Variants in AGMO observed in about 807,000 individuals in gnomAD.
AGMO encodes the protein glyceryl-ether monooxygenase.
In AGMO, 75 loss-of-function variants were observed where a neutral mutation model predicts 60.2. The ratio of observed to expected loss-of-function variants is 1.25; its 90% CI spans 1.03 to 1.51. AGMO has a LOEUF of 1.51. Among genes scored for constraint, AGMO ranks in the 40% most tolerant of loss-of-function variants. AGMO has a pLI of 0.00. For missense variants in AGMO, 763 were observed against 525.5 expected, an observed-to-expected ratio of 1.45 and a Z score of -4.42; for synonymous variants, 261 against 177.1, an observed-to-expected ratio of 1.47 and a Z score of -3.76.
chr7:15,401,289 C>A (rs1305156613), intron 5 of AGMO, among the ~76,000 whole-genome samples: 1 of 152,000 alleles, frequency 6.6e-6, no homozygotes, highest in East Asian at 1.9e-4. Flanking sequence ...TTATTCTATT[C>A]TATATAATTC....
chr7:15,442,431 G>C (rs1781582537), intron 3 of AGMO, among the ~76,000 whole-genome samples: 1 of 152,070 alleles, frequency 6.6e-6, no homozygotes. Context: ...TTTTGGCATT[G>C]AGAGATGGAA....
At chr7:15,170,780 C>A in the AGMO span, among the ~76,000 whole-genome samples, 3 of 152,094 alleles carry the variant, frequency 2.0e-5, no homozygotes, top group Non-Finnish European at 2.9e-5. Flanking sequence ...GATCCTATTT[C>A]AGACAGATAC....
At chr7:15,384,090 A>G (rs1191584046) in intron 10 of AGMO, among the ~76,000 whole-genome samples, 2 of 151,960 alleles carry the variant, frequency 1.3e-5, no homozygotes, top group Non-Finnish European at 2.9e-5. Context: ...GCCCGCCACC[A>G]TGCCTGGCTA....
chr7:15,292,677 A>G (rs954575536), intron 12 of AGMO, among the ~76,000 whole-genome samples: 16 of 151,890 alleles, frequency 1.1e-4, no homozygotes, highest in African/African-American at 3.9e-4. Flanking sequence ...AGAAGAATGT[A>G]AATATTAAGA....
chr7:15,402,025 T>C (rs891537946), intron 5 of AGMO, among the ~76,000 whole-genome samples: 6 of 150,290 alleles, frequency 4.0e-5, no homozygotes, highest in African/African-American at 1.2e-4. Context: ...GCCACCAGTA[T>C]TGAAGGGAAA....
Position 15,390,749 on chromosome 7 carries a change from C to G in AGMO, c.744G>C (p.Gly248=), listed in dbSNP as rs763553396. The G allele has an allele frequency of 1.2e-6, 2 of 1,607,314 alleles. No individual in the cohort carries two copies. Among genetic ancestry groups the G allele is most frequent in the Non-Finnish European group, 1.7e-6 (2 of 1,174,884 alleles). ...CTTTTTCATTTTCTGCTTCAAATGT[C>G]CCTGGAAGATAAATATAAAGATATG... The part of the protein sequence containing the change: ...GVLIIWDKIF[G]TFEAENEKVV... Residue 248 remains glycine, a splice_region_variant and synonymous_variant, in exon 8 of 13, where the codon GGG becomes GGC. Coordinates refer to ENST00000342526, the MANE Select transcript of AGMO (RefSeq NM_001004320.2).
rs116616939 is a variant in AGMO, at chr7:15,260,831, G to A, written c.1264-59472C>T. 7.5e-3 allele frequency among the ~76,000 whole-genome samples: 1,142 copies of A among 152,010 alleles called. 14 individuals are homozygous for A. Among genetic ancestry groups the A allele is most frequent in the African/African-American group, 0.026 (1,088 of 41,460 alleles). On this transcript the variant is annotated intron_variant, in intron 12 of 12. Coordinates refer to ENST00000342526, the MANE Select transcript of AGMO (RefSeq NM_001004320.2). ...ATCAAGTACTCTCTCTGACCACAGC[G>A]GAATAAAATGAGAAATCAACTCCAA...
chr7:15,167,949 A>G, the AGMO span, among the ~76,000 whole-genome samples: 44 of 152,222 alleles, frequency 2.9e-4, no homozygotes, highest in Non-Finnish European at 5.7e-4. Flanking sequence ...AGCTGTCTCT[A>G]TAGAATAGAA....
At chr7:15,465,066 G>T (rs1403672479) in intron 3 of AGMO, among the ~76,000 whole-genome samples, 1 of 152,096 alleles carries the variant, frequency 6.6e-6, no homozygotes, top group East Asian at 1.9e-4. Context: ...TTTTACTGGA[G>T]AAATTTATTG....
intron 3 of AGMO, among the ~76,000 whole-genome samples, chr7:15,459,591 A>ATGTATGTTTGTGTGTGTGTGTGTG (rs1554274856): frequency 7.5e-5 from 1 of 13,248 alleles, no homozygotes; most frequent in Admixed American, 4.5e-4. Flanking sequence ...AAATGTGTGT[A>ATGTATGTTTGTGTGTGTGTGTGTG]TGTGCGTTTG....
intron 12 of AGMO, among the ~76,000 whole-genome samples, chr7:15,319,690 G>C (rs1432844832): frequency 6.6e-6 from 1 of 151,826 alleles, no homozygotes; most frequent in South Asian, 2.1e-4. Flanking sequence ...AAGATTACCA[G>C]AAACACACAC....
chr7:15,462,940 G>A (rs537325112), intron 3 of AGMO, among the ~76,000 whole-genome samples: 17 of 152,212 alleles, frequency 1.1e-4, no homozygotes, highest in African/African-American at 2.2e-4. Flanking sequence ...GCTACACAAC[G>A]TCAGGTTGTT....
chr7:15,384,958 G>T lies in AGMO; in HGVS notation c.1074+488C>A, dbSNP rs566790588. Among the ~76,000 whole-genome samples, 15 of 151,482 alleles carry T rather than the reference G, an allele frequency of 9.9e-5. No individual in the cohort carries two copies. In the South Asian group the frequency reaches 3.1e-3, roughly 32 times the overall value. On this transcript the variant is annotated intron_variant, in intron 10 of 12. Transcript: ENST00000342526. ...GTGGCGATCCCTGAACTAAATCCTG[G>T]TCTAGTGCTCTTCTATTTGCACCAG... is the stretch of plus-strand genomic sequence containing the variant.
chr7:15,413,881 G>A lies in AGMO; in HGVS notation c.609+4677C>T, dbSNP rs556915115. Reference sequence around the variant, plus strand: ...TTAGGTTAATGGAAAGAATGAAGACGATTAGAAGGTAAACATCTGGGCAAA... The same window carrying A: ...TTAGGTTAATGGAAAGAATGAAGACAATTAGAAGGTAAACATCTGGGCAAA... On this transcript the variant is annotated intron_variant, in intron 5 of 12. Transcript: ENST00000342526. Among the ~76,000 whole-genome samples, 18 of 152,238 alleles carry A rather than the reference G, an allele frequency of 1.2e-4. No homozygotes were observed. In the South Asian group the frequency reaches 3.5e-3, roughly 30 times the overall value.
chr7:15,131,308 C>G, the AGMO span, among the ~76,000 whole-genome samples: 1 of 152,184 alleles, frequency 6.6e-6, no homozygotes, highest in Non-Finnish European at 1.5e-5. Context: ...TAAAATATAA[C>G]AGGATGTAAT....
chr7:15,369,563 C>T (rs61547967), intron 10 of AGMO, among the ~76,000 whole-genome samples: 1 of 152,052 alleles, frequency 6.6e-6, no homozygotes, highest in Non-Finnish European at 1.5e-5. Context: ...ATTCAGGTCT[C>T]TATTCAAATA....
the AGMO span, among the ~76,000 whole-genome samples, chr7:15,141,652 T>G: frequency 6.6e-6 from 1 of 152,226 alleles, no homozygotes; most frequent in South Asian, 2.1e-4. Context: ...TAGTTTTATT[T>G]CTCTAAGACC....
chr7:15,540,349 T>C (rs1784592924), intron 3 of AGMO, among the ~76,000 whole-genome samples: 1 of 152,150 alleles, frequency 6.6e-6, no homozygotes, highest in Admixed American at 6.5e-5. Flanking sequence ...GCCCCCTGAA[T>C]GGCAGAGAAT....
intron 3 of AGMO, among the ~76,000 whole-genome samples, chr7:15,500,173 T>C (rs1266931080): frequency 6.6e-6 from 1 of 151,810 alleles, no homozygotes; most frequent in Non-Finnish European, 1.5e-5. Flanking sequence ...TTAAAAATAG[T>C]TAACAAATGA....
Sources: allele counts gnomAD v4.1 joint callset (sites outside exome capture counted in the v4.1 genomes callset), GRCh38; gene constraint gnomAD v4.1.1; transcripts MANE v1.5; gene names NCBI Gene and HGNC (gene_info 2026-07-23, HGNC 2026-07-21).